Variants in PALD1 observed in about 807,000 individuals in gnomAD.
PALD1 encodes phosphatase domain containing paladin 1, also known as paladin.
Under a neutral mutation model 96.0 loss-of-function variants are expected in PALD1, and 57 were observed. The ratio of observed to expected loss-of-function variants is 0.59; its 90% CI spans 0.48 to 0.74. PALD1 has a LOEUF of 0.74. PALD1 is among the 30% of genes least tolerant of loss of function. The probability of loss-of-function intolerance (pLI) is 0.00; values close to 1 mark genes in which losing one functional copy is unlikely to be tolerated. For synonymous variants in PALD1, 464 were observed against 473.6 expected (o/e 0.98, Z 0.26); for missense variants, 1,063 against 1,143.7 (o/e 0.93, Z 1.02).
intron 18 of PALD1, among the ~76,000 whole-genome samples, chr10:70,558,856 C>T (rs116628308): frequency 0.028 from 4,248 of 152,198 alleles, 125 homozygotes; most frequent in African/African-American, 0.073. Context: ...TGCAAGGAGA[C>T]AGAGGCTGGC....
intron 18 of PALD1, among the ~76,000 whole-genome samples, chr10:70,558,491 T>TGCCAC (rs1847661723): frequency 6.6e-6 from 1 of 152,140 alleles, no homozygotes; most frequent in African/African-American, 2.4e-5. Context: ...GGAGATGCCA[T>TGCCAC]ACAAAGGGCA....
intron 1 of PALD1, among the ~76,000 whole-genome samples, chr10:70,500,617 G>A (rs1489069693): frequency 6.6e-6 from 1 of 152,114 alleles, no homozygotes; most frequent in Non-Finnish European, 1.5e-5. Flanking sequence ...CCTTCCCAGA[G>A]TTCCCGACCA....
At chr10:70,529,808 C>A in intron 3 of PALD1, 81 bp from the exon 4 acceptor site, 1 of 1,292,578 alleles carries the variant, frequency 7.7e-7, no homozygotes, top group East Asian at 2.4e-5. Context: ...TCCCTGTCCC[C>A]TGGAGCCCAG....
At chr10:70,548,187 C>T (rs1242049326) in intron 18 of PALD1, among the ~76,000 whole-genome samples, 1 of 152,036 alleles carries the variant, frequency 6.6e-6, no homozygotes, top group African/African-American at 2.4e-5. Flanking sequence ...CGCCTGTAGT[C>T]CCAGCTACTC....
Position 70,534,090 on chromosome 10 carries a change from C to A in PALD1, c.1022+17C>A. 6.3e-7 allele frequency: 1 copy of A among 1,577,366 alleles called. No individual in the cohort carries two copies. The highest frequency in any genetic ancestry group is 8.6e-7 in the Non-Finnish European group (1 of 1,158,702). ...CCAGCCAGAGTGAGTGGCCCGGGGC[C>A]CAGCGTCCTGAAGGGCTGTGGGGCC... On this transcript the variant is annotated intron_variant, in intron 8 of 19. Transcript: ENST00000263563.
At chr10:70,547,512 A>T in intron 18 of PALD1, 66 bp downstream of exon 18, 1 of 1,140,560 alleles carries the variant, frequency 8.8e-7, no homozygotes, top group Non-Finnish European at 1.2e-6. Flanking sequence ...ACAGCCAGGG[A>T]GTGGCTGATG....
chr10:70,505,708 G>T (rs1034288814), intron 1 of PALD1, among the ~76,000 whole-genome samples: 1 of 152,036 alleles, frequency 6.6e-6, no homozygotes, highest in Non-Finnish European at 1.5e-5. Context: ...TTTGTCTGTT[G>T]GTCATTCTGT....
chr10:70,460,144 C>T, the PALD1 span, among the ~76,000 whole-genome samples: 2 of 152,320 alleles, frequency 1.3e-5, no homozygotes, highest in South Asian at 4.1e-4. Flanking sequence ...GCCGTCTGGG[C>T]CCCTGCTCAG....
At position 70,538,896 on chromosome 10, in the gene PALD1, A is replaced by C; in HGVS notation, c.1457A>C (p.Glu486Ala). 6.2e-7 allele frequency: 1 copy of C among 1,612,670 alleles called. No homozygotes were observed. The highest frequency in any genetic ancestry group is 8.5e-7 in the Non-Finnish European group (1 of 1,179,296). ...GGCTTGGTGCTCTCCCCACAGCGGG[A>C]GGACGATCTGGTCTCCCCGGACGCG... Reference protein sequence around the residue: ...RDLIARGSLREDDLVSPDALS... With the variant: ...RDLIARGSLRADDLVSPDALS... The change falls in exon 13 of 20, where the codon GAG (glutamate) becomes GCG (alanine). Residue 486 changes from glutamate (E) to alanine (A), a missense_variant. Physicochemically the swap from Glu to Ala is moderately radical, Grantham distance 107. Transcript: ENST00000263563.
rs1168579808 is a variant in PALD1 at position 70,566,871 on chromosome 10, T to G, written c.*138T>G. ...CACTTCCTGGAGAGACTGAGCGGAG[T>G]TGGGAGCCTTTTTAGAAAGAACTTT... On this transcript the variant is annotated 3_prime_UTR_variant, in exon 20 of 20. Coordinates refer to ENST00000263563, the MANE Select transcript of PALD1 (RefSeq NM_014431.3). 1.6e-6 allele frequency: 1 copy of G among 607,072 alleles called. No individual in the cohort carries two copies. Among genetic ancestry groups the G allele is most frequent in the African/African-American group, 1.9e-5 (1 of 53,768 alleles). 37.6% of individuals were successfully genotyped at this position (607,072 alleles called of 1,614,324 possible).
chr10:70,555,197 A>G (rs1847579011), intron 18 of PALD1, among the ~76,000 whole-genome samples: 1 of 148,784 alleles, frequency 6.7e-6, no homozygotes, highest in African/African-American at 2.5e-5. Flanking sequence ...CTGGTCTCAA[A>G]CTCCTGGACT....
intron 1 of PALD1, among the ~76,000 whole-genome samples, chr10:70,508,851 G>GTGTGTGTGTGTGTGTGTGTGTGTGTA (rs1846456805): frequency 6.8e-6 from 1 of 148,074 alleles, no homozygotes; most frequent in African/African-American, 2.5e-5. Context: ...ACCTGTGTGT[G>GTGTGTGTGTGTGTGTGTGTGTGTGTA]TGTGTGCAGG....
intron 1 of PALD1, among the ~76,000 whole-genome samples, chr10:70,508,550 C>T (rs111421225): frequency 6.6e-5 from 10 of 152,294 alleles, no homozygotes; most frequent in Admixed American, 3.9e-4. Context: ...CCCAGCTGGA[C>T]GTGCCCAGTG....
chr10:70,497,586 C>G (rs1846217313), intron 1 of PALD1, among the ~76,000 whole-genome samples: 1 of 143,452 alleles, frequency 7.0e-6, no homozygotes, highest in Non-Finnish European at 1.5e-5. Context: ...TTTTTTGAGA[C>G]AAAGTCTCGC....
chr10:70,505,596 C>G (rs1318053662), intron 1 of PALD1, among the ~76,000 whole-genome samples: 1 of 145,292 alleles, frequency 6.9e-6, no homozygotes, highest in African/African-American at 2.5e-5. Flanking sequence ...AAGAGAGAAA[C>G]TCTGTCTCAA....
chr10:70,505,148 TTTTCAGCAGC>T (rs1346107869), intron 1 of PALD1, among the ~76,000 whole-genome samples: 3 of 152,196 alleles, frequency 2.0e-5, no homozygotes, highest in Non-Finnish European at 4.4e-5. Context: ...AATCTTTCTG[TTTTCAGCAGC>T]TTTTGAACTC....
chr10:70,546,024 G>C (rs1847354610), intron 17 of PALD1, among the ~76,000 whole-genome samples: 1 of 151,888 alleles, frequency 6.6e-6, no homozygotes, highest in Non-Finnish European at 1.5e-5. Context: ...ATCACCTGAG[G>C]CCAGGAGTTC....
chr10:70,519,005 T>G (rs1053308697), intron 1 of PALD1, among the ~76,000 whole-genome samples: 1 of 152,218 alleles, frequency 6.6e-6, no homozygotes, highest in Non-Finnish European at 1.5e-5. Context: ...GAGCCCTGAG[T>G]CCCAATTCTG....
rs1239419698 is a variant in PALD1, at chr10:70,502,331, A to G, written c.-30+23272A>G. 2.0e-5 allele frequency among the ~76,000 whole-genome samples: 3 copies of G among 152,138 alleles called. No individual in the cohort carries two copies. In the East Asian group the frequency reaches 5.8e-4, roughly 29 times the overall value. On this transcript the variant is annotated intron_variant, in intron 1 of 19. Coordinates refer to ENST00000263563, the MANE Select transcript of PALD1 (RefSeq NM_014431.3). ...AGGATGTTCATCTGCTGCTCCATCC[A>G]TTTTGATGGCCTTAATGACATCCAT... is the stretch of plus-strand genomic sequence containing the variant.
Sources: allele counts gnomAD v4.1 joint callset (sites outside exome capture counted in the v4.1 genomes callset), GRCh38; gene constraint gnomAD v4.1.1; transcripts MANE v1.5; gene names NCBI Gene and HGNC (gene_info 2026-07-23, HGNC 2026-07-21).